Variants in LPA observed in about 807,000 individuals in gnomAD.
LPA encodes lipoprotein(a).
Under a neutral mutation model 197.9 loss-of-function variants are expected in LPA, and 199 were observed. The ratio of observed to expected loss-of-function variants is 1.01; its 90% confidence interval spans 0.90 to 1.13. LPA has a LOEUF of 1.13. Among genes scored for constraint, LPA ranks in the 50% most tolerant of loss-of-function variants. The pLI, the probability that LPA is intolerant of heterozygous loss-of-function variation, is 0.00. For missense variants in LPA, 1,853 were observed against 1,785.8 expected (o/e 1.04, Z -0.68); for synonymous variants, 715 against 639.5 (o/e 1.12, Z -1.78).
Position 160,532,539 on chromosome 6 carries a change from T to C in LPA, c.5953A>G (p.Ser1985Gly), listed in dbSNP as rs780061413. The C allele has an allele frequency of 6.3e-7, 1 of 1,594,592 alleles. No homozygotes were observed. The highest frequency in any genetic ancestry group is 1.7e-5 in the Admixed American group (1 of 59,980). Residue 1985 changes from serine to glycine, a missense_variant, in exon 38 of 39, where the codon AGT becomes GGT. Physicochemically the swap from Ser to Gly is moderately conservative, Grantham distance 56. This residue lies in a region of LPA where 1,737 missense variants were observed against 1,504.4 expected (regional missense o/e 1.15). Coordinates refer to ENST00000316300, the MANE Select transcript of LPA (RefSeq NM_005577.4). ...CAEHLARGTD[S>G]CQGDSGGPLV... ...TATTGATCTTTTCTTACCTGGCAAC[T>C]GTCAGTGCCTCTGGCCAAATGCTCA...
intron 20 of LPA, among the ~76,000 whole-genome samples, chr6:160,596,363 C>T (rs1274652412): frequency 6.6e-6 from 1 of 151,222 alleles, no homozygotes; most frequent in South Asian, 2.1e-4. Flanking sequence ...GGACTACTTC[C>T]TTCCATCTGC....
At chr6:160,649,113 G>T (rs1020958515) in intron 2 of LPA, among the ~76,000 whole-genome samples, 3 of 152,074 alleles carry the variant, frequency 2.0e-5, no homozygotes, top group Non-Finnish European at 4.4e-5. Flanking sequence ...TTTCAGTTTT[G>T]CTATTGTTTG....
chr6:160,634,484 C>T (rs1402101123), intron 7 of LPA, among the ~76,000 whole-genome samples: 1 of 133,702 alleles, frequency 7.5e-6, no homozygotes. Context: ...CTTCTCATGC[C>T]CTGCATCCTG....
intron 16 of LPA, among the ~76,000 whole-genome samples, chr6:160,610,052 A>G (rs1454862291): frequency 6.6e-6 from 1 of 152,108 alleles, no homozygotes; most frequent in African/African-American, 2.4e-5. Context: ...AATATCTGAA[A>G]TCAGTTATCA....
In LPA at chr6:160,604,496, C is replaced by G. The variant is rs1779306156; in HGVS notation, c.2945+550G>C. On this transcript the variant is annotated intron_variant, in intron 18 of 38. Coordinates refer to ENST00000316300, the MANE Select transcript of LPA (RefSeq NM_005577.4). ...TACAGGATCTCTCTCTTTGCTGACT[C>G]TCATCTGCCTTCCTGCCATTTTTAT... Among the ~76,000 whole-genome samples the G allele has an allele frequency of 2.6e-5, 4 of 152,178 alleles. No homozygotes were observed. The South Asian group carries it at 8.3e-4, about 32-fold the overall frequency.
chr6:160,609,180 CTG>C (rs1247013951), intron 16 of LPA, among the ~76,000 whole-genome samples: 2 of 152,102 alleles, frequency 1.3e-5, no homozygotes, highest in African/African-American at 4.8e-5. Context: ...CGGGTCACCT[CTG>C]TTGCTACATA....
intron 28 of LPA, among the ~76,000 whole-genome samples, chr6:160,575,394 C>T (rs2115028377): frequency 6.6e-6 from 1 of 152,300 alleles, no homozygotes; most frequent in African/African-American, 2.4e-5. Context: ...TTATGGATCA[C>T]ACTAAATGCT....
intron 37 of LPA, among the ~76,000 whole-genome samples, chr6:160,534,567 G>A (rs963436287): frequency 6.6e-6 from 1 of 152,182 alleles, no homozygotes; most frequent in Non-Finnish European, 1.5e-5. Context: ...ATCCAAATCC[G>A]GGAAGGTCTG....
At position 160,576,431 on chromosome 6, in the gene LPA, T is replaced by TATAC. The variant is rs1209983204; in HGVS notation, c.4631+704_4631+705insGTAT. Among the ~76,000 whole-genome samples, 560 of 131,560 alleles carry TATAC rather than the reference T, an allele frequency of 4.3e-3. 7 individuals carry two copies. Among genetic ancestry groups the TATAC allele is most frequent in the African/African-American group, 0.015 (522 of 34,304 alleles). 86.3% of individuals were successfully genotyped at this position (131,560 alleles called of 152,430 possible). A position where few individuals can be genotyped will look rare whatever the true frequency, so the allele number is the denominator to read the frequency against. The stretch of plus-strand genomic sequence containing the variant: ...ATATATATATGGGTATATATATATA[T>TATAC]ACACACATGCACACATATATTTGTG... On this transcript the variant is annotated intron_variant, in intron 28 of 38. Coordinates refer to ENST00000316300, the MANE Select transcript of LPA (RefSeq NM_005577.4).
Position 160,586,472 on chromosome 6 carries a change from C to A in LPA, c.4106G>T (p.Ser1369Ile). 6.2e-7 allele frequency: 1 copy of A among 1,613,614 alleles called. No homozygotes were observed. The highest frequency in any genetic ancestry group is 1.1e-5 in the South Asian group (1 of 91,082). The part of the protein sequence containing the change: ...LTTPTVVPVP[S>I]TELPSEEAPT... ...ACCTTCTTCAGAAGGAAGCTCTGTGCTTGGAACTGGGACCACCGTGGGAGT... is the reference window on the plus strand; with the variant it reads ...ACCTTCTTCAGAAGGAAGCTCTGTGATTGGAACTGGGACCACCGTGGGAGT... The change falls in exon 25 of 39, where the codon AGC becomes ATC. Residue 1369 changes from serine (S) to isoleucine (I), a missense_variant. Around this residue, in one of 3 missense-constraint regions of LPA, gnomAD observed 1,737 missense variants for 1,504.4 expected, o/e 1.15. Transcript: ENST00000316300.
intron 18 of LPA, among the ~76,000 whole-genome samples, chr6:160,601,748 C>T (rs1339642125): frequency 6.6e-6 from 1 of 152,198 alleles, no homozygotes; most frequent in Non-Finnish European, 1.5e-5. Context: ...CAAAGCTGCC[C>T]TGGAAACCTA....
At chr6:160,661,466 A>C (rs1466782803) in intron 1 of LPA, among the ~76,000 whole-genome samples, 1 of 152,216 alleles carries the variant, frequency 6.6e-6, no homozygotes, top group African/African-American at 2.4e-5. Context: ...GCAGATGAAC[A>C]GATTCTCATT....
chr6:160,544,676 A>C (rs1778036425), intron 33 of LPA, among the ~76,000 whole-genome samples: 1 of 152,172 alleles, frequency 6.6e-6, no homozygotes, highest in South Asian at 2.1e-4. Flanking sequence ...CAACCAAATT[A>C]CACAAAAGAA....
chr6:160,608,851 G>C (rs1779418583), intron 16 of LPA, among the ~76,000 whole-genome samples: 1 of 150,262 alleles, frequency 6.7e-6, no homozygotes, highest in Non-Finnish European at 1.5e-5. Flanking sequence ...GTGAACTTGT[G>C]AGTTTTTGCG....
chr6:160,655,537 T>C (rs1246941996), intron 1 of LPA, among the ~76,000 whole-genome samples: 1 of 152,212 alleles, frequency 6.6e-6, no homozygotes, highest in East Asian at 1.9e-4. Context: ...AGGAATGTGT[T>C]GCCTCCAAAA....
intron 32 of LPA, among the ~76,000 whole-genome samples, chr6:160,546,600 C>CT (rs1367902393): frequency 2.0e-5 from 3 of 152,202 alleles, no homozygotes; most frequent in African/African-American, 7.2e-5. Flanking sequence ...CAGCCTGCAA[C>CT]TTGGGATTGG....
chr6:160,659,798 A>G (rs1404029474), intron 1 of LPA, among the ~76,000 whole-genome samples: 3 of 152,196 alleles, frequency 2.0e-5, no homozygotes, highest in African/African-American at 7.2e-5. Flanking sequence ...CCACTTTTCC[A>G]TAAGGCAGCT....
intron 24 of LPA, among the ~76,000 whole-genome samples, chr6:160,588,783 A>AGGG: frequency 6.6e-6 from 1 of 152,176 alleles, no homozygotes; most frequent in East Asian, 1.9e-4. Flanking sequence ...TTGTCCTTCA[A>AGGG]TCCAACACTG....
intron 20 of LPA, among the ~76,000 whole-genome samples, chr6:160,596,580 C>A (rs1779136909): frequency 6.6e-6 from 1 of 152,074 alleles, no homozygotes; most frequent in African/African-American, 2.4e-5. Flanking sequence ...ATTTTCTTAG[C>A]CATCAGAGAC....
Sources: allele counts gnomAD v4.1 joint callset (sites outside exome capture counted in the v4.1 genomes callset), GRCh38; gene constraint gnomAD v4.1.1; regional missense constraint gnomAD v4.1.1; transcripts MANE v1.5; gene names NCBI Gene and HGNC (gene_info 2026-07-23, HGNC 2026-07-21).